The following DNAH1 variants were observed in gnomAD, a reference collection of about 807,000 sequenced individuals.
The protein encoded by DNAH1 is axonemal beta dynein heavy chain 1.
A neutral mutation model predicts 484.3 loss-of-function variants in DNAH1; 327 were observed. That is an observed-to-expected ratio of 0.68 (90% CI 0.62 to 0.74). The LOEUF (loss-of-function observed/expected upper bound fraction) is 0.74, where lower values mean the gene tolerates loss of function less well. DNAH1 is among the 30% of genes least tolerant of loss of function. DNAH1 has a pLI of 0.00. For missense variants in DNAH1, 5,052 were observed against 5,546.8 expected (o/e 0.91, Z 2.83); for synonymous variants, 2,192 against 2,191.9 (o/e 1.00, Z 0.00).
At position 52,379,461 on chromosome 3, in the gene DNAH1, G is replaced by T. The variant is rs992914530; in HGVS notation, c.7378-444G>T. Among the ~76,000 whole-genome samples the T allele has an allele frequency of 3.4e-4, 52 of 152,294 alleles. No homozygotes were observed. The highest frequency in any genetic ancestry group is 1.2e-3 in the African/African-American group (50 of 41,558). On this transcript the variant is annotated intron_variant, in intron 47 of 77. Transcript: ENST00000420323. This position sits in a 1 kb window ranked among gnomAD's most constrained non-coding sequence, Gnocchi z 4.4. ...GGACAGAGGCGGCAGCTGAGATGGA[G>T]AGAGGGGGCAGGTTCAGAGGAGATT...
At position 52,369,811 on chromosome 3, in the gene DNAH1, C is replaced by T. The variant is rs772001347; in HGVS notation, c.5944-14C>T. On this transcript the variant is annotated splice_polypyrimidine_tract_variant and intron_variant, in intron 37 of 77. Transcript: ENST00000420323. ...TGGCAGCCAGCCCACTCATTTGGTT[C>T]GTCTTGGCACCAGGCAATGACCATG... The T allele has an allele frequency of 1.4e-5, 22 of 1,589,998 alleles. No homozygotes were observed. The highest frequency in any genetic ancestry group is 4.5e-5 in the East Asian group (2 of 44,334).
chr3:52,360,993 C>T (rs776015785), intron 28 of DNAH1, among the ~76,000 whole-genome samples, 171 bp from the exon 29 acceptor site: 1 of 152,086 alleles, frequency 6.6e-6, no homozygotes, highest in Non-Finnish European at 1.5e-5. Context: ...ACAGGGAACG[C>T]GCTGGGCAGG....
At chr3:52,384,722 G>T in intron 52 of DNAH1, 64 bp from the exon 53 acceptor site, 2 of 1,469,018 alleles carry the variant, frequency 1.4e-6, no homozygotes, top group Non-Finnish European at 1.8e-6. Flanking sequence ...GTGGCTGTGG[G>T]CACCCAGTCC....
chr3:52,312,580 C>T (rs1045945399), upstream of DNAH1, among the ~76,000 whole-genome samples: 4 of 151,724 alleles, frequency 2.6e-5, no homozygotes, highest in African/African-American at 9.7e-5. Flanking sequence ...AGGCAGTTCT[C>T]CTGCCTCAGC....
chr3:52,323,685 C>T, intron 2 of DNAH1, 123 bp from the exon 3 acceptor site: 4 of 651,192 alleles, frequency 6.1e-6, no homozygotes, highest in African/African-American at 3.6e-5. Flanking sequence ...TCTGCCCACT[C>T]CTGTGCTCCT....
chr3:52,378,135 G>A (rs1401008630), intron 46 of DNAH1, among the ~76,000 whole-genome samples: 4 of 152,122 alleles, frequency 2.6e-5, no homozygotes, highest in Non-Finnish European at 5.9e-5. Flanking sequence ...GCAGGCTGAG[G>A]GGTAGGCAGC....
At chr3:52,396,312 G>A (rs1388647102) in intron 70 of DNAH1, 56 bp from the exon 71 acceptor site, 98 of 1,525,572 alleles carry the variant, frequency 6.4e-5, no homozygotes, top group Non-Finnish European at 3.5e-6. Context: ...GGAGCCTGGT[G>A]TCAGGGTGGC....
chr3:52,327,750 C>T, intron 5 of DNAH1, 132 bp from the exon 6 acceptor site: 1 of 1,064,790 alleles, frequency 9.4e-7, no homozygotes, highest in East Asian at 2.6e-5. Flanking sequence ...AGGGTCAGCC[C>T]CCAGTGCCAC....
At position 52,364,578 on chromosome 3, in the gene DNAH1, C is replaced by A; in HGVS notation, c.5245-60C>A. The A allele has an allele frequency of 6.3e-7, 1 of 1,592,810 alleles. No individual in the cohort carries two copies. Among genetic ancestry groups the A allele is most frequent in the East Asian group, 2.2e-5 (1 of 44,772 alleles). ...ACTGCCAGGTGGGAGGCAGAGTGTTCCAGGCAGAAGCCTTGGAGAGGGACA... is the reference window on the plus strand; with the variant it reads ...ACTGCCAGGTGGGAGGCAGAGTGTTACAGGCAGAAGCCTTGGAGAGGGACA... On this transcript the variant is annotated intron_variant, in intron 32 of 77. Transcript: ENST00000420323. The surrounding 1 kb of genome is among the most constrained non-coding windows in gnomAD (Gnocchi z 4.2).
Position 52,355,004 on chromosome 3 carries a change from G to A in DNAH1, c.3642G>A (p.Lys1214=), listed in dbSNP as rs771621562. 6 of 1,613,812 alleles carry A rather than the reference G, an allele frequency of 3.7e-6. No individual in the cohort carries two copies. Among genetic ancestry groups the A allele is most frequent in the South Asian group, 1.1e-5 (1 of 91,078 alleles). The change falls in exon 21 of 78, where the codon AAG becomes AAA. Residue 1214 remains lysine, a synonymous_variant. Transcript: ENST00000420323. This position sits in a 1 kb window ranked among gnomAD's most constrained non-coding sequence, Gnocchi z 4.5. ...ATATGTCATTTTCACCCTACAAGAA[G>A]CCCTTTGAGCAGCGCATCAACTCCT... ...TQNMSFSPYK[K]PFEQRINSWE...
chr3:52,388,251 T>G lies in DNAH1; in HGVS notation c.9088T>G (p.Ser3030Ala), dbSNP rs778605983. The G allele has an allele frequency of 6.2e-7, 1 of 1,604,690 alleles. No homozygotes were observed. The highest frequency in any genetic ancestry group is 8.5e-7 in the Non-Finnish European group (1 of 1,175,664). Residue 3030 changes from serine to alanine, a missense_variant, in exon 57 of 78, where the codon TCC becomes GCC. Physicochemically the swap from Ser to Ala is moderately conservative, Grantham distance 99 (BLOSUM62 1). Around this residue, in one of 4 missense-constraint regions of DNAH1, gnomAD observed 2,929 missense variants for 3,409.4 expected, o/e 0.86. Coordinates refer to ENST00000420323, the MANE Select transcript of DNAH1 (RefSeq NM_015512.5). Reference sequence around the variant, plus strand: ...CCAGCCAGCCACCATTGCCAAGGTGTCCAAGGCTTGCACCTCCATCTGCCA... The same window carrying G: ...CCAGCCAGCCACCATTGCCAAGGTGGCCAAGGCTTGCACCTCCATCTGCCA... ...EFQPATIAKV[S>A]KACTSICQWV...
At chr3:52,386,425 C>A in intron 55 of DNAH1, 80 bp downstream of exon 55, 1 of 1,456,422 alleles carries the variant, frequency 6.9e-7, no homozygotes, top group Non-Finnish European at 9.1e-7. Context: ...CCCCTGGGAC[C>A]CAGCAGCCTG....
chr3:52,370,175 C>A lies in DNAH1; in HGVS notation c.6204C>A (p.Thr2068=). 1 of 1,614,012 alleles carries A rather than the reference C, an allele frequency of 6.2e-7. No homozygotes were observed. Among genetic ancestry groups the A allele is most frequent in the South Asian group, 1.1e-5 (1 of 91,076 alleles). Residue 2068 remains threonine (T), a synonymous_variant, in exon 39 of 78, where the codon ACC becomes ACA. Transcript: ENST00000420323. The part of the protein sequence containing the change: ...EVIASTNCNL[T]MSLLKLLDCF... ...TCGCCTCAACCAACTGCAACCTGAC[C>A]ATGAGCCTCCTCAAGCTGCTGGACT...
At position 52,361,791 on chromosome 3, in the gene DNAH1, T is replaced by G. The variant is rs1432289645; in HGVS notation, c.4980+25T>G. On this transcript the variant is annotated intron_variant, in intron 30 of 77. Transcript: ENST00000420323. The surrounding 1 kb of genome is among the most constrained non-coding windows in gnomAD (Gnocchi z 5.6). ...GGTGAGCCCGGGGGACCCACCTTACTCCCTCAGATCTGCCATACTCACGCC... is the reference window on the plus strand; with the variant it reads ...GGTGAGCCCGGGGGACCCACCTTACGCCCTCAGATCTGCCATACTCACGCC... 6.4e-7 allele frequency: 1 copy of G among 1,574,602 alleles called. No homozygotes were observed. The highest frequency in any genetic ancestry group is 8.6e-7 in the Non-Finnish European group (1 of 1,160,572).
intron 2 of DNAH1, among the ~76,000 whole-genome samples, chr3:52,323,083 G>A (rs1348266304): frequency 1.3e-5 from 2 of 152,198 alleles, no homozygotes; most frequent in Non-Finnish European, 2.9e-5. Context: ...TATTGTCATT[G>A]TTGTGGGGCA....
chr3:52,328,821 G>C (rs553743781), intron 6 of DNAH1, among the ~76,000 whole-genome samples: 1 of 152,216 alleles, frequency 6.6e-6, no homozygotes, highest in African/African-American at 2.4e-5. Flanking sequence ...GGAGGTGGCT[G>C]TTCCCCTGTG....
intron 49 of DNAH1, among the ~76,000 whole-genome samples, chr3:52,382,083 C>T (rs935175789): frequency 2.0e-5 from 3 of 152,156 alleles, no homozygotes; most frequent in Non-Finnish European, 4.4e-5. Context: ...GGGAGGTGGC[C>T]AGGGCTGCTC....
rs75648178 is a variant in DNAH1, at chr3:52,393,242, G to A, written c.10475-92G>A. On this transcript the variant is annotated intron_variant, in intron 65 of 77. Transcript: ENST00000420323. ...AAGAGGAGGCCCAGGCTGCCCCTAC[G>A]GCTGCTGGGGAGACTGGCTAGGCTG... 8,513 of 1,576,538 alleles carry A rather than the reference G, an allele frequency of 5.4e-3. 434 individuals carry two copies. The African/African-American group carries it at 0.1, about 19-fold the overall frequency.
At chr3:52,337,731 C>T (rs994280268) in intron 8 of DNAH1, among the ~76,000 whole-genome samples, 1 of 152,278 alleles carries the variant, frequency 6.6e-6, no homozygotes, top group African/African-American at 2.4e-5. Flanking sequence ...CTTTTATAGT[C>T]TCCATTATCC....
Sources: allele counts gnomAD v4.1 joint callset (sites outside exome capture counted in the v4.1 genomes callset), GRCh38; gene constraint gnomAD v4.1.1; regional missense constraint gnomAD v4.1.1; non-coding constraint Gnocchi (gnomAD v3.1); transcripts MANE v1.5; gene names NCBI Gene and HGNC (gene_info 2026-07-23, HGNC 2026-07-21).